The following EVC2 variants were observed in gnomAD, a reference collection of about 807,000 sequenced individuals.
The protein encoded by EVC2 is EvC ciliary complex subunit 2, also known as limbin.
A neutral mutation model predicts 149.3 loss-of-function variants in EVC2; 148 were observed. That is an observed-to-expected ratio of 0.99 (90% CI 0.87 to 1.14). EVC2 has a LOEUF of 1.14. EVC2 is among the 50% of genes most tolerant of loss of function. The probability of loss-of-function intolerance (pLI) is 0.00; values close to 1 mark genes in which losing one functional copy is unlikely to be tolerated. For synonymous variants in EVC2, 776 were observed against 649.9 expected, an observed-to-expected ratio of 1.19 and a Z score of -2.95; for missense variants, 1,854 against 1,627.3, an observed-to-expected ratio of 1.14 and a Z score of -2.40.
At chr4:5,557,496 T>A (rs1028812848), downstream of EVC2, among the ~76,000 whole-genome samples, 2 of 152,156 alleles carry the variant, frequency 1.3e-5, no homozygotes, top group Non-Finnish European at 2.9e-5. Flanking sequence ...AGATCAAGAA[T>A]AAGGCAAAGA....
At position 5,631,890 on chromosome 4, in the gene EVC2, T is replaced by C; in HGVS notation, c.1613A>G (p.His538Arg). The C allele has an allele frequency of 1.2e-6, 2 of 1,614,254 alleles. No individual in the cohort carries two copies. Among genetic ancestry groups the C allele is most frequent in the Non-Finnish European group, 1.7e-6 (2 of 1,180,040 alleles). Reference protein sequence around the residue: ...QLAVFQRNELHSIFFTQIKSA... With the variant: ...QLAVFQRNELRSIFFTQIKSA... The stretch of plus-strand genomic sequence containing the variant: ...TTTTATCTGGGTAAAAAAGATACTG[T>C]GCAGTTCATTTCTCTGGAAAACAGC... The change falls in exon 11 of 22, where the codon CAC becomes CGC. Residue 538 changes from histidine to arginine, a missense_variant. Transcript: ENST00000344408.
At chr4:5,546,482 G>A (rs370736952) in intron 21 of EVC2, among the ~76,000 whole-genome samples, 28 of 151,746 alleles carry the variant, frequency 1.8e-4, no homozygotes, top group South Asian at 4.2e-4. Flanking sequence ...ACCAAACACC[G>A]CATGTTCTCA....
Position 5,637,663 on chromosome 4 carries a change from G to T in EVC2, c.1470+2851C>A, listed in dbSNP as rs1210205651. ...TAAAAATAAATGGATAAAGCAAAAGGCTAAAATGTATGCTGGCAACTGAGG... is the reference window on the plus strand; with the variant it reads ...TAAAAATAAATGGATAAAGCAAAAGTCTAAAATGTATGCTGGCAACTGAGG... On this transcript the variant is annotated intron_variant, in intron 10 of 21. Coordinates refer to ENST00000344408, the MANE Select transcript of EVC2 (RefSeq NM_147127.5). The surrounding 1 kb of genome is among the most constrained non-coding windows in gnomAD (Gnocchi z 4.4). Among the ~76,000 whole-genome samples the T allele has an allele frequency of 6.6e-6, 1 of 152,146 alleles. No individual in the cohort carries two copies. Among genetic ancestry groups the T allele is most frequent in the Non-Finnish European group, 1.5e-5 (1 of 68,026 alleles).
At chr4:5,559,899 T>C (rs1721907230), downstream of EVC2, among the ~76,000 whole-genome samples, 1 of 152,150 alleles carries the variant, frequency 6.6e-6, no homozygotes, top group South Asian at 2.1e-4. This position sits in a 1 kb window ranked among gnomAD's most constrained non-coding sequence, Gnocchi z 5.0. Flanking sequence ...ATTCCTTAAA[T>C]GTGTGCTGCT....
chr4:5,564,158 A>G (rs903257025), intron 21 of EVC2, among the ~76,000 whole-genome samples: 3 of 152,272 alleles, frequency 2.0e-5, no homozygotes, highest in South Asian at 2.1e-4. Flanking sequence ...CATCACCACT[A>G]ATTACTGCCC....
At chr4:5,639,868 G>A (rs950701022) in intron 10 of EVC2, among the ~76,000 whole-genome samples, 7 of 151,360 alleles carry the variant, frequency 4.6e-5, no homozygotes, top group South Asian at 2.1e-4. Flanking sequence ...CATTTTTTAC[G>A]TGAACTGATT....
At chr4:5,648,503 C>CT (rs1279311467) in intron 9 of EVC2, among the ~76,000 whole-genome samples, 1 of 152,178 alleles carries the variant, frequency 6.6e-6, no homozygotes, top group Non-Finnish European at 1.5e-5. Context: ...GCTAAGGGGC[C>CT]TGGATAAAGA....
Position 5,568,582 on chromosome 4 carries a change from C to T in EVC2, c.3419G>A (p.Arg1140His), listed in dbSNP as rs779684008. 25 of 1,607,788 alleles carry T rather than the reference C, an allele frequency of 1.6e-5. No homozygotes were observed. The highest frequency in any genetic ancestry group is 5.3e-5 in the African/African-American group (4 of 74,884). The change falls in exon 20 of 22, where the codon CGC becomes CAC. Residue 1140 changes from arginine (R) to histidine (H), a missense_variant. Arg to His is a conservative substitution (Grantham distance 29, BLOSUM62 0). Transcript: ENST00000344408. ...RMAMVPGATL[R>H]RLLSVVLPTA... ...GGGCAGTACCACACTCAGGAGCCGG[C>T]GAAGCGTGGCCCCGGGCACCATGGC...
intron 6 of EVC2, among the ~76,000 whole-genome samples, chr4:5,681,852 G>A (rs914666834): frequency 1.3e-5 from 2 of 152,180 alleles, no homozygotes; most frequent in East Asian, 1.9e-4. Context: ...CATGGTGACC[G>A]ACAAGACCCA....
chr4:5,622,737 C>G lies in EVC2; in HGVS notation c.2301G>C (p.Gly767=), dbSNP rs374178504. ...SAMTQELLKR[G]VPWLFLQQIL... is the part of the protein sequence containing the mutation. ...TCTGCTGCAGGAAGAGCCAGGGCAC[C>G]CCACGCTTGAGCAGCTCCTGGGTCA... Residue 767 remains glycine (G), a synonymous_variant, in exon 14 of 22, where the codon GGG becomes GGC. Transcript: ENST00000344408. The surrounding 1 kb of genome is among the most constrained non-coding windows in gnomAD (Gnocchi z 5.8). 15 of 1,613,968 alleles carry G rather than the reference C, an allele frequency of 9.3e-6. No individual in the cohort carries two copies. In the South Asian group the frequency reaches 1.2e-4, roughly 13 times the overall value.
rs937083546 is a variant in EVC2 at position 5,633,677 on chromosome 4, A to G, written c.1471-1645T>C. On this transcript the variant is annotated intron_variant, in intron 10 of 21. Coordinates refer to ENST00000344408, the MANE Select transcript of EVC2 (RefSeq NM_147127.5). The surrounding 1 kb of genome is among the most constrained non-coding windows in gnomAD (Gnocchi z 4.4). ...GCCTTGGGAAGCAGGCAGGTGTGGCATCATGCCATGGCTGGGCTGAGTAGA... is the reference window on the plus strand; with the variant it reads ...GCCTTGGGAAGCAGGCAGGTGTGGCGTCATGCCATGGCTGGGCTGAGTAGA... Among the ~76,000 whole-genome samples, 1 of 152,254 alleles carries G rather than the reference A, an allele frequency of 6.6e-6. No homozygotes were observed. The highest frequency in any genetic ancestry group is 1.5e-5 in the Non-Finnish European group (1 of 68,048).
chr4:5,543,811 G>A (rs1056241854), intron 21 of EVC2, among the ~76,000 whole-genome samples: 4 of 152,172 alleles, frequency 2.6e-5, no homozygotes, highest in African/African-American at 7.2e-5. Context: ...CCAGGGCTGC[G>A]AGGGGCATCT....
chr4:5,621,095 A>G (rs1715654072), intron 14 of EVC2, among the ~76,000 whole-genome samples: 2 of 152,242 alleles, frequency 1.3e-5, no homozygotes, highest in African/African-American at 4.8e-5. Flanking sequence ...AGGTCACTTA[A>G]CGCAAACCAA....
chr4:5,607,218 C>T (rs1404640405), intron 16 of EVC2, among the ~76,000 whole-genome samples: 2 of 151,992 alleles, frequency 1.3e-5, no homozygotes, highest in Non-Finnish European at 2.9e-5. Flanking sequence ...GAAACTGGGA[C>T]CGTCTCAAGC....
Position 5,634,962 on chromosome 4 carries a change from T to C in EVC2, c.1471-2930A>G, listed in dbSNP as rs937076378. Among the ~76,000 whole-genome samples the C allele has an allele frequency of 3.3e-5, 5 of 151,146 alleles. No individual in the cohort carries two copies. The East Asian group carries it at 9.7e-4, about 29-fold the overall frequency. ...GACTCAACACAGCTCAGTCTTCCCA[T>C]CCTTTAGCTGGAAATCTGGGTTTTC... is the stretch of plus-strand genomic sequence containing the variant. On this transcript the variant is annotated intron_variant, in intron 10 of 21. Coordinates refer to ENST00000344408, the MANE Select transcript of EVC2 (RefSeq NM_147127.5).
At chr4:5,584,054 C>G (rs972559185) in intron 17 of EVC2, among the ~76,000 whole-genome samples, 4 of 152,056 alleles carry the variant, frequency 2.6e-5, no homozygotes, top group Non-Finnish European at 5.9e-5. Context: ...CTTCCCTCCC[C>G]ATACTAGGGT....
Position 5,657,540 on chromosome 4 carries a change from C to A in EVC2, c.1145+5567G>T, listed in dbSNP as rs1560201892. Among the ~76,000 whole-genome samples, 3 of 152,078 alleles carry A rather than the reference C, an allele frequency of 2.0e-5. No homozygotes were observed. The highest frequency in any genetic ancestry group is 4.2e-4 in the South Asian group (2 of 4,794). On this transcript the variant is annotated intron_variant, in intron 9 of 21. Coordinates refer to ENST00000344408, the MANE Select transcript of EVC2 (RefSeq NM_147127.5). This position sits in a 1 kb window ranked among gnomAD's most constrained non-coding sequence, Gnocchi z 4.7. Reference sequence around the variant, plus strand: ...GAGTAATGCTGCACCTCATCCTAATCTTTGCTATCATGTACCTTATAGCCT... The same window carrying A: ...GAGTAATGCTGCACCTCATCCTAATATTTGCTATCATGTACCTTATAGCCT...
chr4:5,701,829 T>C (rs1307314894), intron 1 of EVC2, among the ~76,000 whole-genome samples: 1 of 152,116 alleles, frequency 6.6e-6, no homozygotes, highest in Non-Finnish European at 1.5e-5. Context: ...TTGTCTTTGA[T>C]TCTTCTCTTT....
At position 5,670,134 on chromosome 4, in the gene EVC2, T is replaced by C. The variant is rs551187012; in HGVS notation, c.871-4485A>G. 5.9e-5 allele frequency among the ~76,000 whole-genome samples: 9 copies of C among 152,222 alleles called. No individual in the cohort carries two copies. Among genetic ancestry groups the C allele is most frequent in the Admixed American group, 3.3e-4 (5 of 15,278 alleles). The stretch of plus-strand genomic sequence containing the variant: ...CAAAGAAGAGTAAGATCTCAATATG[T>C]AATTTTATGAGAAGAAGGAGGCTCC... On this transcript the variant is annotated intron_variant, in intron 7 of 21. Coordinates refer to ENST00000344408, the MANE Select transcript of EVC2 (RefSeq NM_147127.5). The surrounding 1 kb of genome is among the most constrained non-coding windows in gnomAD (Gnocchi z 5.2).
Sources: allele counts gnomAD v4.1 joint callset (sites outside exome capture counted in the v4.1 genomes callset), GRCh38; gene constraint gnomAD v4.1.1; non-coding constraint Gnocchi (gnomAD v3.1); transcripts MANE v1.5; gene names NCBI Gene and HGNC (gene_info 2026-07-23, HGNC 2026-07-21).